Variants in PRMT2 observed in about 807,000 individuals in gnomAD.
PRMT2 encodes the protein protein arginine N-methyltransferase 2.
A neutral mutation model predicts 57.6 loss-of-function variants in PRMT2; 26 were observed. The ratio of observed to expected loss-of-function variants is 0.45; its 90% CI spans 0.33 to 0.63. The LOEUF (loss-of-function observed/expected upper bound fraction) is 0.63. Among genes scored for constraint, PRMT2 ranks in the 20% least tolerant of loss-of-function variants. The pLI, the probability that PRMT2 is intolerant of heterozygous loss-of-function variation, is 0.02. For missense variants in PRMT2, 472 were observed against 564.4 expected (o/e 0.84, Z 1.66); for synonymous variants, 219 against 220.0 (o/e 1.00, Z 0.04).
At chr21:46,636,640 AAACT>A in intron 2 of PRMT2, 93 bp downstream of exon 2, 1 of 346,634 alleles carries the variant, frequency 2.9e-6, no homozygotes, top group East Asian at 5.4e-5. Context: ...GATCTAACAG[AAACT>A]AACAGGCTTC....
chr21:46,637,384 A>G (rs2061191883), intron 3 of PRMT2, among the ~76,000 whole-genome samples: 1 of 152,160 alleles, frequency 6.6e-6, no homozygotes, highest in African/African-American at 2.4e-5. Context: ...TGCCTGGGGT[A>G]CTCATGTAGT....
At chr21:46,636,799 A>C in intron 2 of PRMT2, 97 bp from the exon 3 acceptor site, 1 of 652,544 alleles carries the variant, frequency 1.5e-6, no homozygotes, top group Non-Finnish European at 2.6e-6. Context: ...TTTTACTTCT[A>C]TTTGGTAGAG....
chr21:46,658,594 T>C, intron 7 of PRMT2, 151 bp from the exon 8 acceptor site: 1 of 1,378,720 alleles, frequency 7.3e-7, no homozygotes, highest in Non-Finnish European at 9.6e-7. Context: ...CCTCGAGATG[T>C]TCTCTTGCAT....
At chr21:46,656,949 A>G (rs1253942529) in intron 7 of PRMT2, 1 of 152,226 alleles carries the variant, frequency 6.6e-6, no homozygotes, top group Non-Finnish European at 1.5e-5. Context: ...ATACAGAGAA[A>G]TCTCAAAACT....
intron 8 of PRMT2, chr21:46,660,030 GCTTTT>G (rs2061597244): frequency 9.1e-6 from 9 of 983,868 alleles, no homozygotes; most frequent in Non-Finnish European, 1.1e-5. Flanking sequence ...GGGAATTTAA[GCTTTT>G]CTTTATACTT....
intron 8 of PRMT2, among the ~76,000 whole-genome samples, chr21:46,660,475 A>T (rs2061603014): frequency 6.6e-6 from 1 of 152,230 alleles, no homozygotes; most frequent in African/African-American, 2.4e-5. Context: ...TAGGCAAGAC[A>T]CGCTGCAACT....
At chr21:46,638,889 T>C (rs2061220869) in intron 3 of PRMT2, among the ~76,000 whole-genome samples, 1 of 152,172 alleles carries the variant, frequency 6.6e-6, no homozygotes. Context: ...TTCTATTTCA[T>C]TGATTTCTGC....
chr21:46,661,640 A>G, intron 9 of PRMT2, 160 bp from the exon 10 acceptor site: 2 of 615,696 alleles, frequency 3.2e-6, no homozygotes, highest in Non-Finnish European at 4.7e-6. Context: ...CTCTGAACTC[A>G]CGATGCGGGT....
At chr21:46,659,499 C>G in intron 8 of PRMT2, 1 of 979,306 alleles carries the variant, frequency 1.0e-6, no homozygotes, top group Non-Finnish European at 1.2e-6. Flanking sequence ...AATTGCAGCC[C>G]AATCATGTGA....
intron 10 of PRMT2, 21 bp downstream of exon 10, chr21:46,661,957 CACGGGG>C: frequency 1.0e-6 from 1 of 988,680 alleles, no homozygotes; most frequent in Non-Finnish European, 1.3e-6. Flanking sequence ...GGGGCGCGGG[CACGGGG>C]TGCGGGGTGG....
In PRMT2 at chr21:46,663,356, C is replaced by T. The variant is rs775356023; in HGVS notation, c.1098-27C>T. 5.0e-6 allele frequency: 8 copies of T among 1,593,318 alleles called. No homozygotes were observed. The Admixed American group carries it at 5.1e-5, about 10-fold the overall frequency. ...GTGGAGACTGCCCTAGCTCAGCCTC[C>T]AGGTCACACGCACCCCTGTCTTGCA... On this transcript the variant is annotated intron_variant, in intron 10 of 11. Transcript: ENST00000355680.
chr21:46,646,243 T>C (rs2061363439), intron 5 of PRMT2, among the ~76,000 whole-genome samples: 1 of 152,252 alleles, frequency 6.6e-6, no homozygotes, highest in South Asian at 2.1e-4. Context: ...TATTGCACTT[T>C]TTCGCAGGTA....
At chr21:46,651,759 T>A (rs752914002) in intron 7 of PRMT2, 14 of 1,602,122 alleles carry the variant, frequency 8.7e-6, no homozygotes. Context: ...GGTATGAATC[T>A]GGGAGTCGTT....
At chr21:46,636,024 C>G (rs1213576868) in intron 1 of PRMT2, 1 of 153,408 alleles carries the variant, frequency 6.5e-6, no homozygotes, top group African/African-American at 2.4e-5. Flanking sequence ...CACGCCCACC[C>G]CACCACCATC....
In PRMT2 at chr21:46,648,130, C is replaced by T. The variant is rs990079597; in HGVS notation, c.328-328C>T. On this transcript the variant is annotated intron_variant, in intron 5 of 11. Transcript: ENST00000355680. This position sits in a 1 kb window ranked among gnomAD's most constrained non-coding sequence, Gnocchi z 4.8. ...CATCTTTATAACATTGACTCTCAGT[C>T]TCTGATTACTTAAGCTTTGTTTAAT... Among the ~76,000 whole-genome samples, 1 of 152,124 alleles carries T rather than the reference C, an allele frequency of 6.6e-6. No individual in the cohort carries two copies. Among genetic ancestry groups the T allele is most frequent in the Non-Finnish European group, 1.5e-5 (1 of 68,020 alleles).
At chr21:46,644,196 C>T in intron 4 of PRMT2, 110 bp from the exon 5 acceptor site, 4 of 1,109,420 alleles carry the variant, frequency 3.6e-6, no homozygotes, top group Non-Finnish European at 5.1e-6. Context: ...CCACTGACTC[C>T]TGTTTGAAAT....
chr21:46,648,467 T>C lies in PRMT2; in HGVS notation c.337T>C (p.Leu113=). The change falls in exon 6 of 12, where the codon TTG becomes CTG. Residue 113 remains leucine, a synonymous_variant. Transcript: ENST00000355680. This position sits in a 1 kb window ranked among gnomAD's most constrained non-coding sequence, Gnocchi z 4.8. ...TGTGCATTTCTTCCAGAAACTCCACTTGGAGATGTTGGCAGACCAGCCACG... is the reference window on the plus strand; with the variant it reads ...TGTGCATTTCTTCCAGAAACTCCACCTGGAGATGTTGGCAGACCAGCCACG... ...FGSYGTLKLH[L]EMLADQPRTT... is the part of the protein sequence containing the mutation. The C allele has an allele frequency of 6.2e-7, 1 of 1,614,072 alleles. No homozygotes were observed. Among genetic ancestry groups the C allele is most frequent in the Non-Finnish European group, 8.5e-7 (1 of 1,179,960 alleles).
At chr21:46,653,100 T>C (rs1031280975) in intron 7 of PRMT2, 15 of 1,037,816 alleles carry the variant, frequency 1.4e-5, no homozygotes, top group Non-Finnish European at 1.6e-5. Flanking sequence ...TATATTCCGT[T>C]ATTCTCTTTA....
chr21:46,652,061 T>C, intron 7 of PRMT2: 5 of 1,604,338 alleles, frequency 3.1e-6, no homozygotes, highest in Non-Finnish European at 4.3e-6. Flanking sequence ...GCGTTTAGCA[T>C]AGGAGGGGCA....
Sources: allele counts gnomAD v4.1 joint callset (sites outside exome capture counted in the v4.1 genomes callset), GRCh38; gene constraint gnomAD v4.1.1; non-coding constraint Gnocchi (gnomAD v3.1); transcripts MANE v1.5; gene names NCBI Gene and HGNC (gene_info 2026-07-23, HGNC 2026-07-21).